Variants in PRDM11 observed in about 807,000 individuals in gnomAD.
The protein encoded by PRDM11 is PR domain-containing protein 11.
A neutral mutation model predicts 97.8 loss-of-function variants in PRDM11; 20 were observed. The ratio of observed to expected loss-of-function variants is 0.20; its 90% CI spans 0.14 to 0.30. The LOEUF is 0.30. Ranked by LOEUF, PRDM11 falls within the 10% of genes least tolerant of loss-of-function variation. PRDM11 has a pLI of 1.00. For synonymous variants in PRDM11, 599 were observed against 637.7 expected (o/e 0.94, Z 0.91); for missense variants, 1,139 against 1,555.2 (o/e 0.73, Z 4.50).
chr11:45,130,066 C>T (rs1001900260), intron 1 of PRDM11, among the ~76,000 whole-genome samples: 1 of 152,044 alleles, frequency 6.6e-6, no homozygotes. Context: ...TGTCTTAGAT[C>T]AATTGGATAT....
intron 6 of PRDM11, among the ~76,000 whole-genome samples, chr11:45,221,869 C>A (rs1854130082): frequency 6.6e-6 from 1 of 152,184 alleles, no homozygotes; most frequent in Non-Finnish European, 1.5e-5. Context: ...TAGCCTGTAG[C>A]TTCAGCGGAC....
At chr11:45,194,589 T>C (rs928405568) in intron 4 of PRDM11, among the ~76,000 whole-genome samples, 1 of 91,554 alleles carries the variant, frequency 1.1e-5, no homozygotes, top group Non-Finnish European at 2.2e-5. Context: ...GTTATTATCT[T>C]CTGTTTTTTT....
chr11:45,219,584 C>A lies in PRDM11; in HGVS notation c.569C>A (p.Ser190Tyr), dbSNP rs144135078. The change falls in exon 6 of 8, where the codon TCC becomes TAC. Residue 190 changes from serine to tyrosine, a missense_variant. Coordinates refer to ENST00000683152, the MANE Select transcript of PRDM11 (RefSeq NM_001384648.1). This position sits in a 1 kb window ranked among gnomAD's most constrained non-coding sequence, Gnocchi z 4.2. ...KANWMRYVVI[S>Y]REEREQNLLA... ...CTCCCCACCAGGTACGTGGTCATCT[C>A]CCGGGAGGAGAGGGAGCAGAACCTG... The A allele has an allele frequency of 1.2e-6, 2 of 1,613,732 alleles. No homozygotes were observed. Among genetic ancestry groups the A allele is most frequent in the African/African-American group, 2.7e-5 (2 of 74,906 alleles).
chr11:45,163,489 G>A (rs371623277), intron 1 of PRDM11, among the ~76,000 whole-genome samples: 2 of 3,114 alleles, frequency 6.4e-4, no homozygotes, highest in Admixed American at 5.3e-3. Context: ...GCTTGAGGAT[G>A]GGGGGGGGTA....
At chr11:45,173,603 CAA>C (rs1282040867) in intron 1 of PRDM11, among the ~76,000 whole-genome samples, 1 of 132,094 alleles carries the variant, frequency 7.6e-6, no homozygotes, top group Admixed American at 8.6e-5. Context: ...GCCTGGACAA[CAA>C]GAGAGAAACA....
chr11:45,192,440 T>G (rs1852948706), intron 4 of PRDM11, among the ~76,000 whole-genome samples: 1 of 152,224 alleles, frequency 6.6e-6, no homozygotes, highest in Non-Finnish European at 1.5e-5. Context: ...GTGCTGGTAG[T>G]TTAGTTATTG....
chr11:45,119,219 C>G (rs980431589), intron 1 of PRDM11, among the ~76,000 whole-genome samples: 1 of 152,324 alleles, frequency 6.6e-6, no homozygotes, highest in South Asian at 2.1e-4. Context: ...GAATCACAAA[C>G]TAGTTTCCTT....
intron 1 of PRDM11, among the ~76,000 whole-genome samples, chr11:45,101,548 T>A (rs1590336436): frequency 2.3e-5 from 2 of 86,106 alleles, no homozygotes; most frequent in Non-Finnish European, 2.4e-5. Flanking sequence ...AGAGCAACAC[T>A]CTGTCTCAAA....
intron 1 of PRDM11, among the ~76,000 whole-genome samples, chr11:45,123,927 A>G (rs1475577693): frequency 1.4e-5 from 2 of 144,228 alleles, no homozygotes; most frequent in African/African-American, 5.1e-5. Flanking sequence ...TCTATAAATT[A>G]CCTTGGGCAG....
At chr11:45,203,993 G>A (rs1328322338) in intron 4 of PRDM11, among the ~76,000 whole-genome samples, 2 of 152,208 alleles carry the variant, frequency 1.3e-5, no homozygotes, top group Non-Finnish European at 2.9e-5. Flanking sequence ...CAAAACTGCA[G>A]AAAATCAAGA....
intron 1 of PRDM11, among the ~76,000 whole-genome samples, chr11:45,134,952 CTG>C (rs2135655083): frequency 6.6e-6 from 1 of 151,888 alleles, no homozygotes; most frequent in South Asian, 2.1e-4. Context: ...AAAATAGGTG[CTG>C]ATACTGATAG....
chr11:45,164,423 T>C (rs571456714), intron 1 of PRDM11, among the ~76,000 whole-genome samples: 1 of 152,246 alleles, frequency 6.6e-6, no homozygotes, highest in Non-Finnish European at 1.5e-5. Flanking sequence ...CGGCAGCCTT[T>C]GGGCTAATTT....
chr11:45,113,807 TGTGTGTGTGTGTGTGTG>T (rs1852238472), intron 1 of PRDM11, among the ~76,000 whole-genome samples: 1 of 139,510 alleles, frequency 7.2e-6, no homozygotes, highest in African/African-American at 2.9e-5. Context: ...TGTGTGTGTG[TGTGTGTGTGTGTGTGTG>T]TTTTGTTTTT....
At chr11:45,213,338 C>T (rs970255763) in intron 5 of PRDM11, 8 of 454,898 alleles carry the variant, frequency 1.8e-5, no homozygotes, top group Admixed American at 1.4e-4. Flanking sequence ...GCAGGCCTTG[C>T]AGGGAGGGGG....
At chr11:45,152,902 C>T (rs1320583448) in intron 1 of PRDM11, among the ~76,000 whole-genome samples, 3 of 152,180 alleles carry the variant, frequency 2.0e-5, no homozygotes, top group Non-Finnish European at 2.9e-5. Context: ...GTCTGTTGGG[C>T]CACAGGGAGC....
intron 4 of PRDM11, among the ~76,000 whole-genome samples, chr11:45,192,558 C>T (rs1458571985): frequency 6.6e-6 from 1 of 152,158 alleles, no homozygotes; most frequent in Non-Finnish European, 1.5e-5. Flanking sequence ...AAAAGTAGAA[C>T]ATGAAAAATT....
At chr11:45,164,862 A>T (rs1852022050) in intron 1 of PRDM11, among the ~76,000 whole-genome samples, 1 of 152,160 alleles carries the variant, frequency 6.6e-6, no homozygotes, top group African/African-American at 2.4e-5. Flanking sequence ...GAGCCAGCAG[A>T]TCCTAAAGGA....
intron 1 of PRDM11, among the ~76,000 whole-genome samples, chr11:45,125,133 G>A (rs1852534770): frequency 6.6e-6 from 1 of 152,044 alleles, no homozygotes; most frequent in Non-Finnish European, 1.5e-5. Context: ...GCATAGAGGT[G>A]TTTGTAGTAT....
At chr11:45,167,044 T>C (rs768414628) in intron 1 of PRDM11, among the ~76,000 whole-genome samples, 5 of 152,226 alleles carry the variant, frequency 3.3e-5, no homozygotes, top group Non-Finnish European at 5.9e-5. Context: ...TGAGCTGCAC[T>C]CAGCTTCAAT....
Sources: allele counts gnomAD v4.1 joint callset (sites outside exome capture counted in the v4.1 genomes callset), GRCh38; gene constraint gnomAD v4.1.1; non-coding constraint Gnocchi (gnomAD v3.1); transcripts MANE v1.5; gene names NCBI Gene and HGNC (gene_info 2026-07-23, HGNC 2026-07-21).